The following MYH14 variants were observed in gnomAD, a reference collection of about 807,000 sequenced individuals.
MYH14 encodes myosin-14.
A neutral mutation model predicts 255.5 loss-of-function variants in MYH14; 123 were observed. That is an observed-to-expected ratio of 0.48 (90% CI 0.42 to 0.56). The LOEUF (loss-of-function observed/expected upper bound fraction) is 0.56, where lower values mean the gene tolerates loss of function less well. Among genes scored for constraint, MYH14 ranks in the 20% least tolerant of loss-of-function variants. The pLI is 0.00. For synonymous variants in MYH14, 1,095 were observed against 1,161.2 expected (o/e 0.94, Z 1.16); for missense variants, 2,423 against 2,802.3 (o/e 0.86, Z 3.06).
intron 10 of MYH14, among the ~76,000 whole-genome samples, chr19:50,233,457 G>A (rs1270411818): frequency 1.3e-5 from 2 of 151,858 alleles, no homozygotes; most frequent in South Asian, 2.1e-4. Flanking sequence ...GGCGTGAGCC[G>A]CTGCGCCCAG....
At chr19:50,231,783 G>C in intron 9 of MYH14, 147 bp from the exon 10 acceptor site, 1 of 993,630 alleles carries the variant, frequency 1.0e-6, no homozygotes, top group Non-Finnish European at 1.5e-6. Flanking sequence ...CTCCACCCCC[G>C]ACCCTTCCCA....
At chr19:50,248,226 A>G (rs2034211801) in intron 12 of MYH14, among the ~76,000 whole-genome samples, 1 of 152,110 alleles carries the variant, frequency 6.6e-6, no homozygotes, top group Non-Finnish European at 1.5e-5. Flanking sequence ...GTTTTATTCA[A>G]ACTACATAGG....
rs2036142533 is a variant in MYH14, at chr19:50,293,151, G to C, written c.5257-82G>C. On this transcript the variant is annotated intron_variant, in intron 37 of 42. Transcript: ENST00000642316. This position sits in a 1 kb window ranked among gnomAD's most constrained non-coding sequence, Gnocchi z 4.1. ...TGAGAAAAAAGCCAAGAGCCTTGAG[G>C]TGTGAGGGACAGAGAAAGGGGTGAG... 1.8e-5 allele frequency: 17 copies of C among 969,328 alleles called. No homozygotes were observed. Among genetic ancestry groups the C allele is most frequent in the Non-Finnish European group, 2.8e-5 (17 of 615,242 alleles). The allele number at this position is 969,328 out of a possible 1,614,324, so 60.0% of individuals were successfully genotyped here.
Position 50,276,972 on chromosome 19 carries a change from G to A in MYH14, c.3825+71G>A. On this transcript the variant is annotated intron_variant, in intron 29 of 42. Transcript: ENST00000642316. The surrounding 1 kb of genome is among the most constrained non-coding windows in gnomAD (Gnocchi z 4.3). The stretch of plus-strand genomic sequence containing the variant: ...AGGGCAGGACGCGGGGTTGGAGGAG[G>A]TACCGCTGGCTGGTTCTAGGCTAGC... 4 of 1,262,554 alleles carry A rather than the reference G, an allele frequency of 3.2e-6. No individual in the cohort carries two copies. The highest frequency in any genetic ancestry group is 2.7e-5 in the South Asian group (2 of 74,798). The allele number at this position is 1,262,554 out of a possible 1,614,324, so 78.2% of individuals were successfully genotyped here. A position where few individuals can be genotyped will look rare whatever the true frequency, so the allele number is the denominator to read the frequency against.
rs374608754 is a variant in MYH14, at chr19:50,210,623, G to A, written c.258G>A (p.Gly86=). 1.1e-5 allele frequency: 18 copies of A among 1,570,192 alleles called. No homozygotes were observed. The highest frequency in any genetic ancestry group is 4.1e-5 in the African/African-American group (3 of 73,796). Residue 86 remains glycine (G), a synonymous_variant, in exon 2 of 43, where the codon GGG becomes GGA. Coordinates refer to ENST00000642316, the MANE Select transcript of MYH14 (RefSeq NM_001145809.2). ...CGGAGGTGGAGCTGGCGGAGAGCGG[G>A]AGGCGGCTGCGACTGCCGCGGGACC... ...EEAEVELAES[G]RRLRLPRDQI...
At chr19:50,203,875 A>G (rs1308217624) in intron 1 of MYH14, among the ~76,000 whole-genome samples, 2 of 151,518 alleles carry the variant, frequency 1.3e-5, no homozygotes, top group Non-Finnish European at 1.5e-5. Flanking sequence ...CACTCCCCCA[A>G]CTCCAGTTGC....
chr19:50,237,197 CAG>C (rs2033695744), intron 10 of MYH14, among the ~76,000 whole-genome samples: 1 of 152,126 alleles, frequency 6.6e-6, no homozygotes, highest in African/African-American at 2.4e-5. Context: ...TGTATGCAAA[CAG>C]AGTGCAGAAT....
At position 50,293,691 on chromosome 19, in the gene MYH14, A is replaced by G; in HGVS notation, c.5469+4A>G. On this transcript the variant is annotated splice_donor_region_variant and intron_variant, in intron 39 of 42. Transcript: ENST00000642316. The surrounding 1 kb of genome is among the most constrained non-coding windows in gnomAD (Gnocchi z 4.1). ...CTACCGCAAGCTGCTCCTGCAGGTG[A>G]GCGTGATTGACCGCCCCCACCAGCC... is the stretch of plus-strand genomic sequence containing the variant. 1 of 1,563,782 alleles carries G rather than the reference A, an allele frequency of 6.4e-7. No individual in the cohort carries two copies. Among genetic ancestry groups the G allele is most frequent in the South Asian group, 1.2e-5 (1 of 82,818 alleles).
At chr19:50,263,535 G>C (rs1237907177) in intron 22 of MYH14, 115 bp downstream of exon 22, 20 of 603,278 alleles carry the variant, frequency 3.3e-5, no homozygotes, top group Non-Finnish European at 5.1e-5. Flanking sequence ...TCACTAAAAT[G>C]GGGCCAGTCG....
chr19:50,212,498 G>A (rs2032251664), intron 2 of MYH14, among the ~76,000 whole-genome samples: 1 of 152,182 alleles, frequency 6.6e-6, no homozygotes, highest in African/African-American at 2.4e-5. Context: ...ATCACCTGAT[G>A]TTCAGGATGT....
intron 27 of MYH14, among the ~76,000 whole-genome samples, chr19:50,274,577 G>A (rs1460654700): frequency 6.6e-6 from 1 of 152,174 alleles, no homozygotes; most frequent in Non-Finnish European, 1.5e-5. Context: ...TTACAGGCAT[G>A]AGCCACTGTG....
At chr19:50,222,210 G>T (rs1182255966) in intron 3 of MYH14, among the ~76,000 whole-genome samples, 1 of 152,166 alleles carries the variant, frequency 6.6e-6, no homozygotes, top group Non-Finnish European at 1.5e-5. Context: ...GCCGGGTGCA[G>T]TGGCTCATAC....
chr19:50,257,216 T>C (rs2034622500), intron 17 of MYH14, 83 bp from the exon 18 acceptor site: 4 of 1,171,660 alleles, frequency 3.4e-6, no homozygotes, highest in Middle Eastern at 2.8e-4. Context: ...TTGTGATAAA[T>C]GATAAGACCC....
At chr19:50,273,775 G>A (rs2035406098) in intron 27 of MYH14, among the ~76,000 whole-genome samples, 1 of 152,060 alleles carries the variant, frequency 6.6e-6, no homozygotes, top group Admixed American at 6.6e-5. Flanking sequence ...CCAAGTAGCT[G>A]GGATTACAGG....
Position 50,280,509 on chromosome 19 carries a change from C to G in MYH14, c.4290+126C>G, listed in dbSNP as rs2035680718. 1 of 1,020,990 alleles carries G rather than the reference C, an allele frequency of 9.8e-7. No homozygotes were observed. The allele number at this position is 1,020,990 out of a possible 1,614,324, so 63.2% of individuals were successfully genotyped here. On this transcript the variant is annotated intron_variant, in intron 32 of 42. Coordinates refer to ENST00000642316, the MANE Select transcript of MYH14 (RefSeq NM_001145809.2). This position sits in a 1 kb window ranked among gnomAD's most constrained non-coding sequence, Gnocchi z 4.8. ...AGGCCAGACCCATGGGTGCCTTTCT[C>G]ATCTCTGACTCCCCCTTACCCCCCA...
chr19:50,254,222 A>G (rs2034507789), intron 16 of MYH14, among the ~76,000 whole-genome samples: 1 of 151,940 alleles, frequency 6.6e-6, no homozygotes, highest in Non-Finnish European at 1.5e-5. Flanking sequence ...TGTCTCAAAA[A>G]AAAAAAAAAA....
At chr19:50,273,565 A>G (rs1296713886) in intron 27 of MYH14, among the ~76,000 whole-genome samples, 1 of 151,420 alleles carries the variant, frequency 6.6e-6, no homozygotes, top group Non-Finnish European at 1.5e-5. Context: ...TTAAAATGTG[A>G]AAAACTGTGC....
intron 10 of MYH14, among the ~76,000 whole-genome samples, chr19:50,239,852 C>A (rs1473338287): frequency 6.6e-6 from 1 of 152,172 alleles, no homozygotes; most frequent in Non-Finnish European, 1.5e-5. Context: ...CCCGGCCACA[C>A]ACACCTTTTT....
At chr19:50,255,405 TC>T (rs1300038330) in intron 17 of MYH14, 87 bp downstream of exon 17, 1 of 954,156 alleles carries the variant, frequency 1.0e-6, no homozygotes, top group Non-Finnish European at 1.6e-6. Context: ...TGAACATCTG[TC>T]CCCTCTCCTC....
Sources: gnomAD v4.1 joint callset for allele counts (sites outside exome capture counted in the v4.1 genomes callset) on GRCh38, gnomAD v4.1.1 for gene constraint, Gnocchi (gnomAD v3.1) non-coding constraint, MANE v1.5 for transcripts, NCBI Gene and HGNC (gene_info 2026-07-23, HGNC 2026-07-21) for gene names.